The following ATP1A4 variants were observed in gnomAD, a reference collection of about 807,000 sequenced individuals.
The protein encoded by ATP1A4 is sodium/potassium-transporting ATPase subunit alpha-4.
ATP1A4 carries 90 observed loss-of-function variants against 114.3 expected under a neutral mutation model. That is an observed-to-expected ratio of 0.79 (90% CI 0.66 to 0.94). The LOEUF is 0.94. ATP1A4 is among the 40% of genes least tolerant of loss of function. ATP1A4 has a pLI of 0.00. For missense variants in ATP1A4, 1,222 were observed against 1,313.6 expected, an observed-to-expected ratio of 0.93 and a Z score of 1.08; for synonymous variants, 511 against 494.1, an observed-to-expected ratio of 1.03 and a Z score of -0.45.
intron 5 of ATP1A4, 93 bp from the exon 6 acceptor site, chr1:160,159,316 T>A: frequency 7.4e-7 from 1 of 1,357,018 alleles, no homozygotes. Context: ...TCAGTGATGA[T>A]GTTGGTGACC....
chr1:160,153,287 C>T, intron 2 of ATP1A4, 63 bp downstream of exon 2: 8 of 1,468,758 alleles, frequency 5.4e-6, no homozygotes, highest in Non-Finnish European at 7.6e-6. Flanking sequence ...GCTGCCAGGA[C>T]AAAAGCTGAA....
Position 160,177,682 on chromosome 1 carries a change from G to C in ATP1A4, c.2736+18G>C. 1 of 1,613,704 alleles carries C rather than the reference G, an allele frequency of 6.2e-7. No individual in the cohort carries two copies. The highest frequency in any genetic ancestry group is 8.5e-7 in the Non-Finnish European group (1 of 1,179,672). On this transcript the variant is annotated intron_variant, in intron 18 of 21. Transcript: ENST00000368081. The stretch of plus-strand genomic sequence containing the variant: ...AGCAGTGGGTGAGTAGAAGGGATAA[G>C]GTAGGAGCTGAGACCAGTAAGAGTG...
chr1:160,174,012 T>A (rs1369229624), intron 13 of ATP1A4, 99 bp from the exon 14 acceptor site: 1 of 1,419,486 alleles, frequency 7.0e-7, no homozygotes, highest in Non-Finnish European at 9.6e-7. Context: ...GAGACTAGGT[T>A]GAAAGAAGAA....
At chr1:160,172,275 C>A (rs757923549) in intron 12 of ATP1A4, among the ~76,000 whole-genome samples, 1 of 152,092 alleles carries the variant, frequency 6.6e-6, no homozygotes, top group Non-Finnish European at 1.5e-5. Flanking sequence ...TAGAAGATGT[C>A]GTGTAAATGT....
rs182643279 is a variant in ATP1A4, at chr1:160,152,799, G to A, written c.148-366G>A. Among the ~76,000 whole-genome samples, 1,099 of 152,234 alleles carry A rather than the reference G, an allele frequency of 7.2e-3. 9 individuals carry two copies. Among genetic ancestry groups the A allele is most frequent in the African/African-American group, 0.025 (1,028 of 41,536 alleles). ...CACCTGTAATCCCAGCACTTTGGGA[G>A]GCTGAGGCAGGCAGATCACCTGAGG... On this transcript the variant is annotated intron_variant, in intron 1 of 21. Coordinates refer to ENST00000368081, the MANE Select transcript of ATP1A4 (RefSeq NM_144699.4).
chr1:160,155,670 T>C (rs1298922043), intron 3 of ATP1A4, among the ~76,000 whole-genome samples: 3 of 152,164 alleles, frequency 2.0e-5, no homozygotes, highest in Non-Finnish European at 2.9e-5. Flanking sequence ...TGCTGTTCTT[T>C]GATGACCTTC....
intron 18 of ATP1A4, 83 bp downstream of exon 18, chr1:160,177,747 A>C: frequency 6.6e-7 from 1 of 1,520,716 alleles, no homozygotes; most frequent in Non-Finnish European, 9.0e-7. Context: ...ATTTTTTAAG[A>C]GAGAAGAAGG....
intron 18 of ATP1A4, among the ~76,000 whole-genome samples, chr1:160,180,169 C>T (rs1466274677): frequency 6.6e-6 from 1 of 152,122 alleles, no homozygotes; most frequent in South Asian, 2.1e-4. Flanking sequence ...TAGGGAGTGA[C>T]GCGGGTAACG....
At chr1:160,175,636 G>A (rs1170549502) in intron 15 of ATP1A4, among the ~76,000 whole-genome samples, 1 of 151,952 alleles carries the variant, frequency 6.6e-6, no homozygotes, top group Non-Finnish European at 1.5e-5. Flanking sequence ...CTTTGAAAAG[G>A]CAGTCAGAGA....
At chr1:160,178,283 G>T (rs1421390327) in intron 18 of ATP1A4, among the ~76,000 whole-genome samples, 2 of 151,782 alleles carry the variant, frequency 1.3e-5, no homozygotes, top group African/African-American at 4.8e-5. Flanking sequence ...TGAACCCGGG[G>T]GGCAAAGTTT....
intron 7 of ATP1A4, among the ~76,000 whole-genome samples, chr1:160,165,441 G>T (rs1652991180): frequency 6.6e-6 from 1 of 152,144 alleles, no homozygotes; most frequent in Admixed American, 6.5e-5. Context: ...TGATATTATT[G>T]TTATCTCCTC....
At chr1:160,186,451 C>A in intron 21 of ATP1A4, 84 bp downstream of exon 21, 1 of 1,185,542 alleles carries the variant, frequency 8.4e-7, no homozygotes, top group Non-Finnish European at 1.2e-6. Flanking sequence ...CCCTCCAGAC[C>A]CACCACTGAC....
At chr1:160,173,508 C>G (rs779392234) in intron 12 of ATP1A4, 73 bp from the exon 13 acceptor site, 3 of 1,575,182 alleles carry the variant, frequency 1.9e-6, no homozygotes, top group Non-Finnish European at 2.6e-6. Flanking sequence ...TCTGTCAGTT[C>G]TCAGAGGAGA....
chr1:160,173,934 T>G (rs1653356437), intron 13 of ATP1A4, among the ~76,000 whole-genome samples, 177 bp from the exon 14 acceptor site: 2 of 152,064 alleles, frequency 1.3e-5, no homozygotes, highest in African/African-American at 4.8e-5. Flanking sequence ...GAGGAGTGGT[T>G]GGCAAAAGTG....
intron 16 of ATP1A4, 35 bp downstream of exon 16, chr1:160,176,281 A>G: frequency 6.2e-7 from 1 of 1,612,356 alleles, no homozygotes; most frequent in Non-Finnish European, 8.5e-7. Flanking sequence ...AGATTCCCAG[A>G]ATTCTGCCTC....
At chr1:160,173,798 T>C in intron 13 of ATP1A4, 81 bp downstream of exon 13, 1 of 1,525,614 alleles carries the variant, frequency 6.6e-7, no homozygotes, top group Non-Finnish European at 8.9e-7. Flanking sequence ...TTTACTAAAG[T>C]TCTTGGAGTC....
At chr1:160,174,824 GT>G (rs1472098609) in intron 15 of ATP1A4, 77 bp downstream of exon 15, 7 of 1,583,548 alleles carry the variant, frequency 4.4e-6, no homozygotes, top group African/African-American at 2.7e-5. Flanking sequence ...CCCTCTTTCC[GT>G]TTTCCCATCA....
At chr1:160,170,530 C>G (rs1050419394) in intron 10 of ATP1A4, 1 of 151,792 alleles carries the variant, frequency 6.6e-6, no homozygotes, top group Non-Finnish European at 1.5e-5. Context: ...AATGGACTGA[C>G]CTGAGGTCAT....
intron 21 of ATP1A4, 82 bp from the exon 22 acceptor site, chr1:160,186,589 T>C: frequency 6.6e-7 from 1 of 1,506,284 alleles, no homozygotes; most frequent in Non-Finnish European, 9.1e-7. Context: ...TCCAACCTTG[T>C]CCCTGCTTTC....
Sources: gnomAD v4.1 joint callset for allele counts (sites outside exome capture counted in the v4.1 genomes callset) on GRCh38, gnomAD v4.1.1 for gene constraint, MANE v1.5 for transcripts, NCBI Gene and HGNC (gene_info 2026-07-23, HGNC 2026-07-21) for gene names.